The following MDGA2 variants were observed in gnomAD, a reference collection of about 807,000 sequenced individuals.
MDGA2 encodes the protein MAM domain-containing glycosylphosphatidylinositol anchor protein 2.
MDGA2 carries 40 observed loss-of-function variants against 117.8 expected under a neutral mutation model. That is an observed-to-expected ratio of 0.34 (90% CI 0.26 to 0.44). The LOEUF is 0.44. MDGA2 is among the 20% of genes least tolerant of loss of function. MDGA2 has a pLI of 1.00. For missense variants in MDGA2, 1,123 were observed against 1,250.6 expected, an observed-to-expected ratio of 0.90 and a Z score of 1.54; for synonymous variants, 452 against 439.0, an observed-to-expected ratio of 1.03 and a Z score of -0.37.
chr14:47,194,759 ACT>A (rs1316069616), intron 3 of MDGA2, among the ~76,000 whole-genome samples: 1 of 150,626 alleles, frequency 6.6e-6, no homozygotes, highest in Admixed American at 6.6e-5. Context: ...TCTCTCTCTC[ACT>A]CTCTCTTTCT....
At chr14:47,121,081 G>A (rs901777480) in intron 5 of MDGA2, among the ~76,000 whole-genome samples, 2 of 152,106 alleles carry the variant, frequency 1.3e-5, no homozygotes, top group Admixed American at 6.6e-5. Flanking sequence ...TATCAGGGGG[G>A]AAAAACTCAC....
chr14:47,534,602 G>A (rs1895168705), intron 1 of MDGA2, among the ~76,000 whole-genome samples: 1 of 152,082 alleles, frequency 6.6e-6, no homozygotes, highest in Admixed American at 6.6e-5. Context: ...TAGCATGGAA[G>A]AAACCACCCT....
At chr14:47,094,540 T>A (rs973659138) in intron 6 of MDGA2, among the ~76,000 whole-genome samples, 8 of 152,042 alleles carry the variant, frequency 5.3e-5, no homozygotes, top group African/African-American at 1.9e-4. Flanking sequence ...TTGCAAATGA[T>A]CCCATTATGA....
chr14:46,925,119 T>G (rs1201897027), intron 9 of MDGA2, among the ~76,000 whole-genome samples: 7 of 152,204 alleles, frequency 4.6e-5, no homozygotes, highest in African/African-American at 1.7e-4. Context: ...CATAAAATTT[T>G]TTTGACTTTT....
chr14:46,881,033 C>CACAT (rs1440927772), intron 11 of MDGA2, among the ~76,000 whole-genome samples: 1 of 150,556 alleles, frequency 6.6e-6, no homozygotes, highest in Non-Finnish European at 1.5e-5. Context: ...CACACACACA[C>CACAT]ACACACACAA....
At chr14:46,949,357 ATTATTTT>A (rs1373569119) in intron 9 of MDGA2, among the ~76,000 whole-genome samples, 8 of 151,892 alleles carry the variant, frequency 5.3e-5, no homozygotes, top group Admixed American at 2.6e-4. Flanking sequence ...TTTCTTTTTT[ATTATTTT>A]TTAAGATTTT....
intron 1 of MDGA2, among the ~76,000 whole-genome samples, chr14:47,644,489 T>A (rs1005492332): frequency 6.6e-6 from 1 of 152,126 alleles, no homozygotes; most frequent in South Asian, 2.1e-4. Flanking sequence ...ATCTCACTCA[T>A]ATGTGGGATC....
intron 5 of MDGA2, 23 bp from the exon 6 acceptor site, chr14:47,097,146 C>T (rs767496308): frequency 5.0e-6 from 8 of 1,604,030 alleles, no homozygotes; most frequent in South Asian, 3.3e-5. Context: ...AACAGAAGAA[C>T]GTGCACCTAT....
chr14:47,096,942 G>A lies in MDGA2; in HGVS notation c.1107C>T (p.Ile369=), dbSNP rs200459170. 3.3e-3 allele frequency: 5,337 copies of A among 1,613,310 alleles called. 22 individuals are homozygous for A. The highest frequency in any genetic ancestry group is 3.7e-3 in the Non-Finnish European group (4,412 of 1,179,450). The change falls in exon 6 of 17, where the codon ATC becomes ATT. Residue 369 remains isoleucine (I), a synonymous_variant. Transcript: ENST00000399232. ...LNGGTLTIPA[I]TSDDAGTYSC... is the part of the protein sequence containing the mutation. ...TGTAAGTACCAGCATCATCTGAGGT[G>A]ATGGCAGGTATGGTCAAAGTTCCTC...
intron 1 of MDGA2, among the ~76,000 whole-genome samples, chr14:47,421,914 A>AT (rs1378951199): frequency 5.3e-5 from 8 of 151,676 alleles, no homozygotes; most frequent in Admixed American, 1.3e-4. Context: ...TTTTAAATTC[A>AT]TTTTTTTTCA....
At chr14:47,579,637 A>T (rs772881523) in intron 1 of MDGA2, among the ~76,000 whole-genome samples, 1 of 152,094 alleles carries the variant, frequency 6.6e-6, no homozygotes, top group African/African-American at 2.4e-5. Flanking sequence ...ATGATAATTT[A>T]AAAAGATAGG....
intron 9 of MDGA2, among the ~76,000 whole-genome samples, chr14:46,929,275 C>T (rs1347029223): frequency 6.6e-6 from 1 of 151,960 alleles, no homozygotes; most frequent in East Asian, 1.9e-4. Flanking sequence ...CATAGAATCT[C>T]TAACTAGCAA....
At chr14:47,383,983 T>TAGATAGATAGATA (rs146001618) in intron 1 of MDGA2, among the ~76,000 whole-genome samples, 2 of 141,674 alleles carry the variant, frequency 1.4e-5, no homozygotes, top group Admixed American at 7.4e-5. Flanking sequence ...AATAGATAGA[T>TAGATAGATAGATA]GATAGATAGA....
Position 46,919,613 on chromosome 14 carries a change from A to G in MDGA2, c.2238+399T>C, listed in dbSNP as rs575295178. On this transcript the variant is annotated intron_variant, in intron 10 of 16. Coordinates refer to ENST00000399232, the MANE Select transcript of MDGA2 (RefSeq NM_001113498.3). ...TGTCTTGAACCCCTAAAGCAAAAAT[A>G]TGTACAACTTCTGGCTTCTTAGGAA... Among the ~76,000 whole-genome samples, 6 of 152,334 alleles carry G rather than the reference A, an allele frequency of 3.9e-5. No homozygotes were observed. The East Asian group carries it at 1.2e-3, about 29-fold the overall frequency.
rs1036272189 is a variant in MDGA2 at position 47,247,465 on chromosome 14, C to T, written c.421-29270G>A. On this transcript the variant is annotated intron_variant, in intron 2 of 16. Coordinates refer to ENST00000399232, the MANE Select transcript of MDGA2 (RefSeq NM_001113498.3). ...AAGTACAGGCACCTGCCACCATGCCCGCTAATTTTGTAATTTTAGTAGAGT... is the reference window on the plus strand; with the variant it reads ...AAGTACAGGCACCTGCCACCATGCCTGCTAATTTTGTAATTTTAGTAGAGT... Among the ~76,000 whole-genome samples the T allele has an allele frequency of 1.5e-4, 22 of 150,912 alleles. 1 individual carries two copies. Among genetic ancestry groups the T allele is most frequent in the African/African-American group, 4.9e-4 (20 of 41,168 alleles).
intron 1 of MDGA2, among the ~76,000 whole-genome samples, chr14:47,333,713 CA>C (rs1435208614): frequency 6.6e-6 from 1 of 150,674 alleles, no homozygotes; most frequent in Admixed American, 6.6e-5. Context: ...CATACTCACA[CA>C]AATTTAATAA....
At chr14:47,286,785 A>T (rs1888686576) in intron 2 of MDGA2, among the ~76,000 whole-genome samples, 1 of 132,890 alleles carries the variant, frequency 7.5e-6, no homozygotes, top group Non-Finnish European at 1.6e-5. Flanking sequence ...ACAAACCAGG[A>T]CTATCTCAGG....
chr14:47,673,652 G>C (rs1898117048), intron 1 of MDGA2, among the ~76,000 whole-genome samples: 5 of 151,772 alleles, frequency 3.3e-5, no homozygotes, highest in African/African-American at 9.7e-5. Flanking sequence ...GTGTGTGTGT[G>C]TGTGTGTGTG....
intron 2 of MDGA2, among the ~76,000 whole-genome samples, chr14:47,265,302 G>A (rs1566710327): frequency 6.6e-6 from 1 of 152,024 alleles, no homozygotes; most frequent in Non-Finnish European, 1.5e-5. Flanking sequence ...ATATTTAATT[G>A]TAACACCGTG....
Sources: allele counts gnomAD v4.1 joint callset (sites outside exome capture counted in the v4.1 genomes callset), GRCh38; gene constraint gnomAD v4.1.1; transcripts MANE v1.5; gene names NCBI Gene and HGNC (gene_info 2026-07-23, HGNC 2026-07-21).